Variants in ARID1B observed in about 807,000 individuals in gnomAD.
ARID1B encodes the protein AT-rich interactive domain-containing protein 1B.
In ARID1B, 30 loss-of-function variants were observed where a neutral mutation model predicts 212.3. That is an observed-to-expected ratio of 0.14 (90% confidence interval 0.11 to 0.19). The LOEUF (loss-of-function observed/expected upper bound fraction) is 0.19, where lower values mean the gene tolerates loss of function less well. Among genes scored for constraint, ARID1B ranks in the 10% least tolerant of loss-of-function variants. ARID1B has a pLI of 1.00. For missense variants in ARID1B, 2,891 were observed against 3,204.0 expected (o/e 0.90, Z 2.36); for synonymous variants, 1,402 against 1,301.7 (o/e 1.08, Z -1.66).
chr6:156,786,377 T>C (rs1441777511), intron 1 of ARID1B, among the ~76,000 whole-genome samples: 1 of 152,162 alleles, frequency 6.6e-6, no homozygotes, highest in African/African-American at 2.4e-5. Flanking sequence ...TCTTTGTATG[T>C]GGAAAAATTA....
chr6:156,791,621 C>G (rs1015401079), intron 1 of ARID1B, among the ~76,000 whole-genome samples: 3 of 152,170 alleles, frequency 2.0e-5, no homozygotes, highest in Non-Finnish European at 4.4e-5. Flanking sequence ...CCATTCATCC[C>G]TGACCTGGGC....
At chr6:157,191,951 G>A (rs1401831331) in intron 15 of ARID1B, among the ~76,000 whole-genome samples, 1 of 152,114 alleles carries the variant, frequency 6.6e-6, no homozygotes, top group Non-Finnish European at 1.5e-5. Context: ...ACAATGGAGA[G>A]TCTTTAAAAT....
At chr6:156,880,114 A>G (rs181767691) in intron 2 of ARID1B, among the ~76,000 whole-genome samples, 3 of 152,296 alleles carry the variant, frequency 2.0e-5, no homozygotes, top group South Asian at 2.1e-4. Context: ...GCCAATGTCA[A>G]TGAAAAGCCT....
At position 156,901,534 on chromosome 6, in the gene ARID1B, A is replaced by G. The variant is rs907599985; in HGVS notation, c.2136+9A>G. On this transcript the variant is annotated intron_variant, in intron 3 of 19. Transcript: ENST00000636930. ...GGTACCAGCCGCAGCAGGTGAGCACAGTGCACTGCCCCGCAGGGCCCTGTT... is the reference window on the plus strand; with the variant it reads ...GGTACCAGCCGCAGCAGGTGAGCACGGTGCACTGCCCCGCAGGGCCCTGTT... 2.5e-6 allele frequency: 4 copies of G among 1,612,394 alleles called. No individual in the cohort carries two copies. Among genetic ancestry groups the G allele is most frequent in the African/African-American group, 1.3e-5 (1 of 74,910 alleles).
intron 7 of ARID1B, among the ~76,000 whole-genome samples, chr6:157,142,358 G>GC (rs1421439468): frequency 3.9e-5 from 6 of 152,146 alleles, no homozygotes; most frequent in Non-Finnish European, 8.8e-5. Flanking sequence ...GGGCACATTG[G>GC]CTCACGCCTG....
chr6:156,836,663 A>C (rs1355923442), intron 2 of ARID1B, among the ~76,000 whole-genome samples: 1 of 151,902 alleles, frequency 6.6e-6, no homozygotes, highest in Admixed American at 6.6e-5. Flanking sequence ...TTTCAGTATT[A>C]GATTTTTGTT....
intron 4 of ARID1B, chr6:156,976,876 C>T: frequency 1.7e-6 from 1 of 577,886 alleles, no homozygotes; most frequent in Non-Finnish European, 3.3e-6. Context: ...GTGAACCTCA[C>T]AGGCGGGCTA....
At position 157,207,152 on chromosome 6, in the gene ARID1B, G is replaced by T; in HGVS notation, c.6380G>T (p.Gly2127Val). The T allele has an allele frequency of 6.2e-7, 1 of 1,614,220 alleles. No individual in the cohort carries two copies. Among genetic ancestry groups the T allele is most frequent in the South Asian group, 1.1e-5 (1 of 91,082 alleles). The change falls in exon 20 of 20, where the codon GGG becomes GTG. Residue 2127 changes from glycine (G) to valine (V), a missense_variant. This residue lies in a region of ARID1B where 41 missense variants were observed against 40.4 expected (regional missense o/e 1.01). Coordinates refer to ENST00000636930, the MANE Select transcript of ARID1B (RefSeq NM_001374828.1). This position sits in a 1 kb window ranked among gnomAD's most constrained non-coding sequence, Gnocchi z 8.5. ...GAGAAAGAGGAGGATGAGGACAAGG[G>T]GGTGGCCTGCAGCAAAGATGAGTGG... ...TYEKEEDEDKGVACSKDEWWW... is the reference protein window; with the variant it reads ...TYEKEEDEDKVVACSKDEWWW...
rs1325887022 is a variant in ARID1B, at chr6:156,777,957, G to C, written c.277G>C (p.Ala93Pro). The change falls in exon 1 of 20, where the codon GCC becomes CCC. Residue 93 changes from alanine (A) to proline (P), a missense_variant. By Grantham distance (27) the Ala-to-Pro change is conservative (BLOSUM62 -1). Coordinates refer to ENST00000636930, the MANE Select transcript of ARID1B (RefSeq NM_001374828.1). ...NMAHNAGAAA[A>P]AGTHSAKSGG... ...GGCCCATAACGCGGGCGCCGCGGCC[G>C]CCGCCGGCACCCACAGCGCCAAGAG... is the stretch of plus-strand genomic sequence containing the variant. 6.5e-7 allele frequency: 1 copy of C among 1,528,902 alleles called. No homozygotes were observed. The highest frequency in any genetic ancestry group is 8.7e-7 in the Non-Finnish European group (1 of 1,144,468). 94.7% of individuals were successfully genotyped at this position (1,528,902 alleles called of 1,614,324 possible).
chr6:156,875,011 A>T (rs1454202082), intron 2 of ARID1B, among the ~76,000 whole-genome samples: 1 of 152,182 alleles, frequency 6.6e-6, no homozygotes, highest in Non-Finnish European at 1.5e-5. Context: ...TAAATATTTG[A>T]CTTTAGTTAA....
At chr6:156,868,369 G>C (rs1785865757) in intron 2 of ARID1B, among the ~76,000 whole-genome samples, 1 of 152,166 alleles carries the variant, frequency 6.6e-6, no homozygotes, top group African/African-American at 2.4e-5. Context: ...AATGGCTTTA[G>C]AAGACAGAAA....
At chr6:157,161,438 T>A (rs1790935435) in intron 8 of ARID1B, among the ~76,000 whole-genome samples, 1 of 150,134 alleles carries the variant, frequency 6.7e-6, no homozygotes, top group South Asian at 2.1e-4. Context: ...TGTGTATATA[T>A]ATATATATAT....
At chr6:156,911,518 A>G (rs1789893187) in intron 3 of ARID1B, among the ~76,000 whole-genome samples, 1 of 152,098 alleles carries the variant, frequency 6.6e-6, no homozygotes, top group South Asian at 2.1e-4. Context: ...CCTTGTGACA[A>G]CTAACTACTC....
intron 4 of ARID1B, among the ~76,000 whole-genome samples, chr6:156,963,630 A>G (rs1317885249): frequency 6.6e-6 from 1 of 152,236 alleles, no homozygotes; most frequent in African/African-American, 2.4e-5. Context: ...TTAAGCGTTT[A>G]AAAAATTCTA....
At chr6:156,914,459 T>G (rs927740973) in intron 3 of ARID1B, among the ~76,000 whole-genome samples, 1 of 152,234 alleles carries the variant, frequency 6.6e-6, no homozygotes, top group African/African-American at 2.4e-5. Context: ...CTGGCTCTCT[T>G]CCTACTTTGT....
At chr6:157,183,211 T>G (rs1422938959) in intron 12 of ARID1B, among the ~76,000 whole-genome samples, 1 of 152,130 alleles carries the variant, frequency 6.6e-6, no homozygotes, top group Non-Finnish European at 1.5e-5. Context: ...AGCGCCCAGC[T>G]TGCCATTTCT....
chr6:157,047,691 G>A (rs925579972), intron 4 of ARID1B, among the ~76,000 whole-genome samples: 3 of 152,212 alleles, frequency 2.0e-5, no homozygotes, highest in African/African-American at 7.2e-5. Flanking sequence ...TTTTAAGAGA[G>A]CAAGGAGTTA....
At chr6:156,857,153 G>A (rs1453492064) in intron 2 of ARID1B, among the ~76,000 whole-genome samples, 2 of 152,196 alleles carry the variant, frequency 1.3e-5, no homozygotes, top group African/African-American at 4.8e-5. Flanking sequence ...TCTCTTAAAT[G>A]ACACCAAAAG....
At chr6:156,993,028 G>A (rs185460082) in intron 4 of ARID1B, among the ~76,000 whole-genome samples, 414 of 149,476 alleles carry the variant, frequency 2.8e-3, no homozygotes, top group Non-Finnish European at 4.3e-3. Context: ...GGCCATAATT[G>A]TATATATATG....
Sources: allele counts gnomAD v4.1 joint callset (sites outside exome capture counted in the v4.1 genomes callset), GRCh38; gene constraint gnomAD v4.1.1; regional missense constraint gnomAD v4.1.1; non-coding constraint Gnocchi (gnomAD v3.1); transcripts MANE v1.5; gene names NCBI Gene and HGNC (gene_info 2026-07-23, HGNC 2026-07-21).